Variants in ENOX1 observed in about 807,000 individuals in gnomAD.
The protein encoded by ENOX1 is candidate growth-related and time keeping constitutive hydroquinone (NADH) oxidase.
ENOX1 carries 42 observed loss-of-function variants against 82.5 expected under a neutral mutation model. The observed-to-expected ratio is 0.51, with a 90% CI of 0.40 to 0.66. The LOEUF (loss-of-function observed/expected upper bound fraction) is 0.66. Among genes scored for constraint, ENOX1 ranks in the 30% least tolerant of loss-of-function variants. The probability of loss-of-function intolerance (pLI) is 0.00; values close to 1 mark genes in which losing one functional copy is unlikely to be tolerated. For missense variants in ENOX1, 608 were observed against 811.6 expected (o/e 0.75, Z 3.05); for synonymous variants, 271 against 282.2 (o/e 0.96, Z 0.40).
intron 5 of ENOX1, among the ~76,000 whole-genome samples, chr13:43,362,228 A>G (rs1435769765): frequency 6.7e-6 from 1 of 149,540 alleles, no homozygotes; most frequent in Non-Finnish European, 1.5e-5. Context: ...TGGGTTTTCC[A>G]GCTTTTTTTT....
At chr13:43,417,107 G>A (rs143227508) in intron 3 of ENOX1, among the ~76,000 whole-genome samples, 4,777 of 152,242 alleles carry the variant, frequency 0.031, 232 homozygotes, top group African/African-American at 0.099. Context: ...CACTCGGCAG[G>A]CCGAGGCAGG....
chr13:43,635,649 T>C (rs2083386266), intron 2 of ENOX1, among the ~76,000 whole-genome samples: 1 of 152,102 alleles, frequency 6.6e-6, no homozygotes, highest in African/African-American at 2.4e-5. Flanking sequence ...TAAAATATGA[T>C]GTATATCAGG....
intron 1 of ENOX1, among the ~76,000 whole-genome samples, chr13:43,764,554 G>A (rs1479732020): frequency 2.0e-5 from 3 of 152,112 alleles, no homozygotes; most frequent in Non-Finnish European, 4.4e-5. Context: ...GATTTGAAAG[G>A]GGATTGTGTA....
At chr13:43,361,590 T>C (rs1287633852) in intron 5 of ENOX1, 138 bp from the exon 6 acceptor site, 2 of 740,996 alleles carry the variant, frequency 2.7e-6, no homozygotes, top group African/African-American at 1.9e-5. Flanking sequence ...TATAATATTA[T>C]AGAAAGCTAT....
intron 12 of ENOX1, among the ~76,000 whole-genome samples, chr13:43,278,145 T>C (rs1179268618): frequency 6.6e-6 from 1 of 152,242 alleles, no homozygotes; most frequent in Non-Finnish European, 1.5e-5. Flanking sequence ...ATCTAAATTC[T>C]AATTGTTGCC....
At chr13:43,466,014 C>G (rs1008414391) in intron 3 of ENOX1, among the ~76,000 whole-genome samples, 2 of 152,142 alleles carry the variant, frequency 1.3e-5, no homozygotes, top group Non-Finnish European at 2.9e-5. Context: ...TTTCATGTTT[C>G]TCCTAGGCAC....
At chr13:43,441,843 T>A (rs1450131326) in intron 3 of ENOX1, among the ~76,000 whole-genome samples, 2 of 150,896 alleles carry the variant, frequency 1.3e-5, no homozygotes, top group African/African-American at 4.9e-5. Flanking sequence ...AAAGAACACT[T>A]TTTTTTTTAA....
At chr13:43,669,489 C>T (rs1238358902) in intron 1 of ENOX1, among the ~76,000 whole-genome samples, 1 of 152,042 alleles carries the variant, frequency 6.6e-6, no homozygotes, top group Non-Finnish European at 1.5e-5. Flanking sequence ...TTTTTCACCC[C>T]TTCCTTTTGT....
intron 2 of ENOX1, among the ~76,000 whole-genome samples, chr13:43,541,048 AC>A (rs147539708): frequency 0.36 from 54,464 of 151,806 alleles, 11,965 homozygotes; most frequent in Non-Finnish European, 0.5. Context: ...ATACTTATAG[AC>A]CATTTATCAA....
chr13:43,700,763 C>T (rs2086866291), intron 1 of ENOX1, among the ~76,000 whole-genome samples: 1 of 152,090 alleles, frequency 6.6e-6, no homozygotes. Flanking sequence ...CTATTACCTT[C>T]TTACTGTCTT....
At chr13:43,751,616 AG>A (rs1950325967) in intron 1 of ENOX1, among the ~76,000 whole-genome samples, 1 of 152,200 alleles carries the variant, frequency 6.6e-6, no homozygotes, top group African/African-American at 2.4e-5. Flanking sequence ...TTTGAAATAT[AG>A]GGAATCATGC....
intron 12 of ENOX1, among the ~76,000 whole-genome samples, chr13:43,296,011 T>C (rs2046265983): frequency 6.6e-6 from 1 of 152,188 alleles, no homozygotes; most frequent in Non-Finnish European, 1.5e-5. Context: ...TTGCTCTTCA[T>C]GATCCAGGAT....
chr13:43,291,890 C>T (rs2046020178), intron 12 of ENOX1, among the ~76,000 whole-genome samples: 2 of 152,126 alleles, frequency 1.3e-5, no homozygotes, highest in African/African-American at 4.8e-5. Context: ...AAGGGATCCC[C>T]ACATCTCCTT....
At chr13:43,634,572 G>A (rs1269397614) in intron 2 of ENOX1, among the ~76,000 whole-genome samples, 2 of 152,184 alleles carry the variant, frequency 1.3e-5, no homozygotes, top group African/African-American at 4.8e-5. Flanking sequence ...GGAGACGGCT[G>A]CCCAGGCTTT....
At chr13:43,616,925 A>AAC (rs61106243) in intron 2 of ENOX1, among the ~76,000 whole-genome samples, 97,120 of 151,440 alleles carry the variant, frequency 0.64, 31,865 homozygotes, top group East Asian at 0.84. Flanking sequence ...AAAACAAGTA[A>AAC]ACACACACAC....
chr13:43,404,500 G>A (rs563082870), intron 5 of ENOX1, among the ~76,000 whole-genome samples: 1 of 151,490 alleles, frequency 6.6e-6, no homozygotes, highest in East Asian at 1.9e-4. Context: ...TATCCTTTAG[G>A]TCTTAGTTTG....
chr13:43,231,813 A>G (rs2042296035), intron 15 of ENOX1, among the ~76,000 whole-genome samples: 1 of 152,220 alleles, frequency 6.6e-6, no homozygotes, highest in African/African-American at 2.4e-5. Flanking sequence ...TCTTTCCACC[A>G]TCAGTTAATG....
intron 2 of ENOX1, among the ~76,000 whole-genome samples, chr13:43,502,194 G>A (rs1341008460): frequency 6.6e-6 from 1 of 151,586 alleles, no homozygotes; most frequent in African/African-American, 2.4e-5. Flanking sequence ...AAGCCTAATC[G>A]GATCAATGAC....
At chr13:43,709,976 C>T (rs2087579537) in intron 1 of ENOX1, among the ~76,000 whole-genome samples, 1 of 152,090 alleles carries the variant, frequency 6.6e-6, no homozygotes, top group Admixed American at 6.5e-5. Flanking sequence ...GTTATTAAAG[C>T]ACACAGAACA....
Sources: gnomAD v4.1 joint callset for allele counts (sites outside exome capture counted in the v4.1 genomes callset) on GRCh38, gnomAD v4.1.1 for gene constraint, MANE v1.5 for transcripts, NCBI Gene and HGNC (gene_info 2026-07-23, HGNC 2026-07-21) for gene names.